Variants in RUNX3 observed in about 807,000 individuals in gnomAD.
RUNX3 encodes runt-related transcription factor 3.
Under a neutral mutation model 27.7 loss-of-function variants are expected in RUNX3, and 10 were observed. The observed-to-expected ratio is 0.36, with a 90% CI of 0.22 to 0.61. RUNX3 has a LOEUF of 0.61. Ranked by LOEUF, RUNX3 falls within the 20% of genes least tolerant of loss-of-function variation. RUNX3 has a pLI of 0.72. For missense variants in RUNX3, 469 were observed against 629.5 expected (o/e 0.75, Z 2.73); for synonymous variants, 270 against 269.2 (o/e 1.00, Z -0.03).
chr1:24,963,928 C>G (rs956215214), intron 2 of RUNX3, among the ~76,000 whole-genome samples: 1 of 152,214 alleles, frequency 6.6e-6, no homozygotes, highest in Non-Finnish European at 1.5e-5. Flanking sequence ...CACGAACTTT[C>G]TCGAGGTCTG....
At chr1:24,908,149 G>A (rs1283875404) in intron 3 of RUNX3, among the ~76,000 whole-genome samples, 90 of 83,902 alleles carry the variant, frequency 1.1e-3, no homozygotes, top group East Asian at 2.3e-3. Flanking sequence ...GCGGTGATCC[G>A]AACCTCTACG....
chr1:24,913,853 C>T (rs777370017), intron 3 of RUNX3, among the ~76,000 whole-genome samples: 1 of 152,226 alleles, frequency 6.6e-6, no homozygotes, highest in Non-Finnish European at 1.5e-5. Flanking sequence ...TACCCCCTTG[C>T]CTCCATGCAG....
upstream of RUNX3, among the ~76,000 whole-genome samples, chr1:24,931,389 A>G (rs1173815185): frequency 6.6e-6 from 1 of 152,158 alleles, no homozygotes; most frequent in Non-Finnish European, 1.5e-5. Context: ...CTTCACTGCA[A>G]ATCACCCCTT....
chr1:24,909,354 C>T (rs1190572724), intron 3 of RUNX3, among the ~76,000 whole-genome samples: 1 of 152,204 alleles, frequency 6.6e-6, no homozygotes, highest in Non-Finnish European at 1.5e-5. Context: ...CATTTTTCAT[C>T]TTCCATGAAT....
At position 24,938,879 on chromosome 1, in the gene RUNX3, C is replaced by T. The variant is rs149780996; in HGVS notation, c.59-9027G>A. 3.0e-3 allele frequency among the ~76,000 whole-genome samples: 453 copies of T among 152,212 alleles called. 2 individuals are homozygous for T. Among genetic ancestry groups the T allele is most frequent in the Middle Eastern group, 0.02 (6 of 294 alleles). On this transcript the variant is annotated intron_variant, in intron 2 of 6. Transcript: ENST00000338888. ...CTGCCAGAGCCTTGATCTTGGACTTCCCAGTCTCCAGAACCATGTGTAGTA... is the reference window on the plus strand; with the variant it reads ...CTGCCAGAGCCTTGATCTTGGACTTTCCAGTCTCCAGAACCATGTGTAGTA...
At chr1:24,924,348 G>T (rs116111827) in intron 2 of RUNX3, among the ~76,000 whole-genome samples, 4 of 152,044 alleles carry the variant, frequency 2.6e-5, no homozygotes, top group African/African-American at 9.7e-5. Context: ...GCGACAGAGC[G>T]AGACCTTGTC....
At chr1:24,951,899 G>A (rs1641776998) in intron 2 of RUNX3, among the ~76,000 whole-genome samples, 1 of 152,074 alleles carries the variant, frequency 6.6e-6, no homozygotes. Context: ...GAGCCTGGGA[G>A]GCAGAGACTT....
At chr1:24,906,000 G>A (rs1315796204) in intron 4 of RUNX3, among the ~76,000 whole-genome samples, 2 of 152,248 alleles carry the variant, frequency 1.3e-5, no homozygotes, top group Non-Finnish European at 2.9e-5. Context: ...CAACCTTGGC[G>A]TCTCAGCAGG....
chr1:24,919,925 C>A (rs1012556178), intron 2 of RUNX3, among the ~76,000 whole-genome samples: 2 of 151,916 alleles, frequency 1.3e-5, no homozygotes, highest in Admixed American at 6.6e-5. Context: ...CACTTTCCCA[C>A]GTCATTAAAA....
At position 24,901,010 on chromosome 1, in the gene RUNX3, CTG is replaced by C. The variant is rs1381010544; in HGVS notation, c.*1110_*1111del. 1.4e-5 allele frequency: 2 copies of C among 145,886 alleles called. No individual in the cohort carries two copies. The highest frequency in any genetic ancestry group is 3.0e-5 in the Non-Finnish European group (2 of 66,162). 9.0% of individuals were successfully genotyped at this position (145,886 alleles called of 1,614,324 possible). On this transcript the variant is annotated 3_prime_UTR_variant, in exon 5 of 5. Transcript: ENST00000308873. ...CTTTTTCTAAAATCAGTTTTAAAAA[CTG>C]TTTTGTTTTTTTTTTGTTTTTTTGT...
At chr1:24,905,066 G>T (rs938337766) in intron 4 of RUNX3, among the ~76,000 whole-genome samples, 2 of 152,202 alleles carry the variant, frequency 1.3e-5, no homozygotes, top group Non-Finnish European at 2.9e-5. Flanking sequence ...TATGGGAGGT[G>T]CTGGGGTCTC....
intron 2 of RUNX3, among the ~76,000 whole-genome samples, chr1:24,961,094 C>T (rs1244420561): frequency 6.6e-6 from 1 of 152,146 alleles, no homozygotes; most frequent in African/African-American, 2.4e-5. Context: ...TTTCCCACAC[C>T]CCTTCTCTCC....
intron 2 of RUNX3, among the ~76,000 whole-genome samples, chr1:24,961,018 T>C (rs1642097397): frequency 6.6e-6 from 1 of 152,140 alleles, no homozygotes; most frequent in Non-Finnish European, 1.5e-5. Flanking sequence ...AGGGTAGGCG[T>C]TGCCCTCTTC....
At chr1:24,928,979 A>G in intron 1 of RUNX3, 1 of 450,788 alleles carries the variant, frequency 2.2e-6, no homozygotes, top group Non-Finnish European at 4.4e-6. Context: ...TGGCATAAAG[A>G]AAAAGGTCCT....
chr1:24,925,891 C>A (rs1641089933), intron 2 of RUNX3, among the ~76,000 whole-genome samples: 1 of 152,174 alleles, frequency 6.6e-6, no homozygotes, highest in African/African-American at 2.4e-5. Context: ...ATTTCCCTCC[C>A]TGCAGGCCTG....
At chr1:24,906,208 C>T (rs1337546718) in intron 4 of RUNX3, among the ~76,000 whole-genome samples, 4 of 152,222 alleles carry the variant, frequency 2.6e-5, no homozygotes, top group African/African-American at 7.2e-5. Context: ...TTCCAGGCCC[C>T]TTTATCTGTC....
intron 4 of RUNX3, among the ~76,000 whole-genome samples, chr1:24,905,458 C>T (rs960047511): frequency 2.0e-5 from 3 of 152,196 alleles, no homozygotes; most frequent in Non-Finnish European, 4.4e-5. Flanking sequence ...TGCCTGGCTG[C>T]CTGTGGCCCA....
intron 4 of RUNX3, among the ~76,000 whole-genome samples, chr1:24,905,481 G>A (rs1640647056): frequency 6.6e-6 from 1 of 152,222 alleles, no homozygotes; most frequent in Non-Finnish European, 1.5e-5. Flanking sequence ...GCTGTGGGGG[G>A]CTAGCGAGGG....
Position 24,919,181 on chromosome 1 carries a change from C to T in RUNX3, c.544+59G>A, listed in dbSNP as rs995243295. 5.5e-6 allele frequency: 6 copies of T among 1,086,638 alleles called. No individual in the cohort carries two copies. The African/African-American group carries it at 9.8e-5, about 18-fold the overall frequency. 67.3% of individuals were successfully genotyped at this position (1,086,638 alleles called of 1,614,324 possible). ...CCATCTGTCTGACCTAGCTGCTGTC[C>T]TTCCCGCACTGGACCCTCCTCCCCC... is the stretch of plus-strand genomic sequence containing the variant. On this transcript the variant is annotated intron_variant, in intron 3 of 4. Transcript: ENST00000308873.
Sources: gnomAD v4.1 joint callset for allele counts (sites outside exome capture counted in the v4.1 genomes callset) on GRCh38, gnomAD v4.1.1 for gene constraint, MANE v1.5 for transcripts, NCBI Gene and HGNC (gene_info 2026-07-23, HGNC 2026-07-21) for gene names.